The following NIPAL2 variants were observed in gnomAD, a reference collection of about 807,000 sequenced individuals.
NIPAL2 encodes NIPA-like protein 2.
A neutral mutation model predicts 48.9 loss-of-function variants in NIPAL2; 43 were observed. The observed-to-expected ratio is 0.88, with a 90% CI of 0.69 to 1.13. NIPAL2 has a LOEUF of 1.13. Among genes scored for constraint, NIPAL2 ranks in the 50% most tolerant of loss-of-function variants. The pLI, the probability that NIPAL2 is intolerant of heterozygous loss-of-function variation, is 0.00. For missense variants in NIPAL2, 446 were observed against 461.4 expected (o/e 0.97, Z 0.31); for synonymous variants, 167 against 174.6 (o/e 0.96, Z 0.34).
chr8:98,203,222 C>A, intron 7 of NIPAL2, 26 bp from the exon 8 acceptor site: 3 of 1,563,978 alleles, frequency 1.9e-6, no homozygotes, highest in Non-Finnish European at 2.6e-6. Context: ...CTTACTGGAG[C>A]TTTGGCTTTA....
intron 8 of NIPAL2, among the ~76,000 whole-genome samples, chr8:98,200,876 T>G (rs559810619): frequency 2.6e-5 from 4 of 152,224 alleles, no homozygotes; most frequent in Non-Finnish European, 5.9e-5. Context: ...TGATTAGAAG[T>G]GTTGAACATC....
intron 4 of NIPAL2, among the ~76,000 whole-genome samples, chr8:98,235,390 G>T (rs1421792106): frequency 2.0e-5 from 3 of 152,206 alleles, no homozygotes; most frequent in African/African-American, 4.8e-5. Flanking sequence ...AGCCAGGAAG[G>T]CTACTGTCAT....
intron 1 of NIPAL2, among the ~76,000 whole-genome samples, chr8:98,280,802 A>AGAAAGAGAG (rs1815785943): frequency 6.8e-6 from 1 of 146,018 alleles, no homozygotes; most frequent in African/African-American, 2.5e-5. Context: ...AAAGCGAGAG[A>AGAAAGAGAG]AACAAATATT....
At chr8:98,225,921 C>T (rs1240274262) in intron 4 of NIPAL2, among the ~76,000 whole-genome samples, 1 of 151,686 alleles carries the variant, frequency 6.6e-6, no homozygotes. Flanking sequence ...TTTTTGTCTC[C>T]TCTGACTGTA....
chr8:98,240,657 A>C (rs939056770), intron 3 of NIPAL2, among the ~76,000 whole-genome samples: 1 of 152,168 alleles, frequency 6.6e-6, no homozygotes, highest in African/African-American at 2.4e-5. Flanking sequence ...CATTATTCTT[A>C]AGGAAATGCT....
intron 3 of NIPAL2, among the ~76,000 whole-genome samples, chr8:98,245,202 A>G (rs1361813051): frequency 6.6e-6 from 1 of 152,252 alleles, no homozygotes; most frequent in East Asian, 1.9e-4. Context: ...TGTCAGTCAC[A>G]ATCAAGCTCC....
chr8:98,214,234 G>C (rs1811462929), intron 5 of NIPAL2, among the ~76,000 whole-genome samples: 1 of 151,292 alleles, frequency 6.6e-6, no homozygotes, highest in South Asian at 2.1e-4. Context: ...CACAACCTCA[G>C]ATCACTTAAA....
chr8:98,205,701 A>C (rs1810999885), intron 6 of NIPAL2, among the ~76,000 whole-genome samples: 1 of 152,220 alleles, frequency 6.6e-6, no homozygotes, highest in Non-Finnish European at 1.5e-5. Flanking sequence ...AGTGAAATGC[A>C]ACTCACTTCT....
At chr8:98,200,097 T>A (rs1056139440) in intron 8 of NIPAL2, among the ~76,000 whole-genome samples, 2 of 152,072 alleles carry the variant, frequency 1.3e-5, no homozygotes, top group Admixed American at 1.3e-4. Flanking sequence ...GGACTAAAGG[T>A]GTGCACTGCC....
At chr8:98,262,595 T>C (rs1814423640) in intron 1 of NIPAL2, among the ~76,000 whole-genome samples, 1 of 150,276 alleles carries the variant, frequency 6.7e-6, no homozygotes, top group Admixed American at 6.6e-5. Context: ...TAAATATATA[T>C]GCACCCAATA....
chr8:98,195,297 C>G (rs939910304), intron 9 of NIPAL2, among the ~76,000 whole-genome samples: 1 of 152,054 alleles, frequency 6.6e-6, no homozygotes, highest in African/African-American at 2.4e-5. Context: ...CGAAAATAGC[C>G]TAGGCTCAAG....
Position 98,290,479 on chromosome 8 carries a change from C to A in NIPAL2, c.135+3524G>T, listed in dbSNP as rs982153765. Among the ~76,000 whole-genome samples the A allele has an allele frequency of 2.6e-5, 4 of 152,262 alleles. No homozygotes were observed. The South Asian group carries it at 8.3e-4, about 32-fold the overall frequency. ...TTTCCCACATTTTCCCTCTTCTGTC[C>A]ATTCTCTCTACAAACTTCGCTGGTT... On this transcript the variant is annotated intron_variant, in intron 1 of 10. Transcript: ENST00000430223.
chr8:98,232,221 G>C (rs539711763), intron 4 of NIPAL2, among the ~76,000 whole-genome samples: 1 of 152,102 alleles, frequency 6.6e-6, no homozygotes, highest in Admixed American at 6.5e-5. Context: ...TAGAATAGGT[G>C]ACTAAATCCT....
intron 5 of NIPAL2, among the ~76,000 whole-genome samples, chr8:98,212,725 C>A (rs565200296): frequency 6.6e-6 from 1 of 152,272 alleles, no homozygotes; most frequent in African/African-American, 2.4e-5. Context: ...CCAGTCCTAA[C>A]CTCCCTGGAA....
chr8:98,195,638 T>C (rs903087137), intron 9 of NIPAL2: 61 of 214,952 alleles, frequency 2.8e-4, no homozygotes, highest in African/African-American at 1.4e-3. Flanking sequence ...AAGAGCGAAG[T>C]AGGTCTGATA....
intron 4 of NIPAL2, among the ~76,000 whole-genome samples, chr8:98,226,606 T>TTC (rs148636631): frequency 6.7e-5 from 10 of 150,308 alleles, no homozygotes; most frequent in South Asian, 2.1e-4. Flanking sequence ...CTCCCTCTCT[T>TTC]TCTCTCTCTC....
chr8:98,236,251 T>A, intron 3 of NIPAL2, 37 bp from the exon 4 acceptor site: 1 of 1,416,248 alleles, frequency 7.1e-7, no homozygotes, highest in Non-Finnish European at 9.9e-7. Flanking sequence ...AGTTCCAATA[T>A]AAAAGTGTCT....
intron 9 of NIPAL2, 161 bp downstream of exon 9, chr8:98,195,781 T>C: frequency 1.9e-6 from 1 of 534,744 alleles, no homozygotes; most frequent in East Asian, 3.9e-5. Context: ...CGCTGAGCCC[T>C]GTTTAGGGCC....
intron 6 of NIPAL2, 43 bp downstream of exon 6, chr8:98,212,362 G>A (rs1279343130): frequency 9.5e-7 from 1 of 1,053,492 alleles, no homozygotes; most frequent in Non-Finnish European, 1.5e-6. Flanking sequence ...TTATGACTCA[G>A]CACAGCTCAA....
Sources: gnomAD v4.1 joint callset for allele counts (sites outside exome capture counted in the v4.1 genomes callset) on GRCh38, gnomAD v4.1.1 for gene constraint, MANE v1.5 for transcripts, NCBI Gene and HGNC (gene_info 2026-07-23, HGNC 2026-07-21) for gene names.